Variants in CSRNP3 observed in about 807,000 individuals in gnomAD.
CSRNP3 encodes the protein cysteine and serine rich nuclear protein 3, also known as cysteine/serine-rich nuclear protein 3.
CSRNP3 carries 12 observed loss-of-function variants against 48.0 expected under a neutral mutation model. The ratio of observed to expected loss-of-function variants is 0.25; its 90% confidence interval spans 0.16 to 0.41. The LOEUF (loss-of-function observed/expected upper bound fraction) is 0.41, where lower values mean the gene tolerates loss of function less well. CSRNP3 is among the 10% of genes least tolerant of loss of function. The pLI, the probability that CSRNP3 is intolerant of heterozygous loss-of-function variation, is 1.00. For missense variants in CSRNP3, 580 were observed against 724.4 expected (o/e 0.80, Z 2.29); for synonymous variants, 263 against 269.7 (o/e 0.98, Z 0.24).
intron 1 of CSRNP3, among the ~76,000 whole-genome samples, chr2:165,480,386 C>G (rs1378581781): frequency 3.3e-5 from 5 of 152,066 alleles, no homozygotes; most frequent in African/African-American, 1.2e-4. Flanking sequence ...GTTCACATGT[C>G]TAGGGTTATA....
chr2:165,554,046 T>A (rs960788122), intron 3 of CSRNP3, among the ~76,000 whole-genome samples: 3 of 152,192 alleles, frequency 2.0e-5, no homozygotes. Context: ...CCTTTCGCGT[T>A]TCTAAGTCTA....
intron 2 of CSRNP3, among the ~76,000 whole-genome samples, chr2:165,505,638 T>C (rs1291068486): frequency 1.3e-5 from 2 of 152,194 alleles, no homozygotes; most frequent in African/African-American, 4.8e-5. Flanking sequence ...GGAATACAAC[T>C]GGCTTCTCTA....
At chr2:165,575,217 GTC>G (rs1383145248) in intron 3 of CSRNP3, among the ~76,000 whole-genome samples, 2 of 152,140 alleles carry the variant, frequency 1.3e-5, no homozygotes, top group Non-Finnish European at 2.9e-5. Context: ...TCATAGGAAA[GTC>G]TGTCCTGCAC....
At chr2:165,506,932 G>T (rs1375377910) in intron 2 of CSRNP3, among the ~76,000 whole-genome samples, 1 of 151,962 alleles carries the variant, frequency 6.6e-6, no homozygotes, top group Non-Finnish European at 1.5e-5. Context: ...GAAAAAATAG[G>T]AGGAAGAAAA....
At chr2:165,562,837 A>G (rs984310833) in intron 3 of CSRNP3, among the ~76,000 whole-genome samples, 1 of 152,148 alleles carries the variant, frequency 6.6e-6, no homozygotes, top group Admixed American at 6.6e-5. Flanking sequence ...AATTTATAGT[A>G]GAGTAATAAA....
chr2:165,494,549 A>G (rs540383810), intron 1 of CSRNP3, among the ~76,000 whole-genome samples: 1 of 152,224 alleles, frequency 6.6e-6, no homozygotes, highest in Non-Finnish European at 1.5e-5. Context: ...ACTTTTTCTT[A>G]TAAGACACTG....
chr2:165,636,152 T>C (rs1686624824), intron 4 of CSRNP3, among the ~76,000 whole-genome samples: 1 of 152,238 alleles, frequency 6.6e-6, no homozygotes, highest in Non-Finnish European at 1.5e-5. Context: ...ATCTCTTCCA[T>C]TGGCTCAAAT....
chr2:165,600,039 C>T (rs1395999548), intron 4 of CSRNP3, among the ~76,000 whole-genome samples: 2 of 147,814 alleles, frequency 1.4e-5, no homozygotes, highest in South Asian at 4.4e-4. Flanking sequence ...CCCATTAACT[C>T]GTCATTTAGC....
intron 4 of CSRNP3, among the ~76,000 whole-genome samples, chr2:165,623,046 G>A (rs1302094613): frequency 6.6e-6 from 1 of 152,020 alleles, no homozygotes; most frequent in Admixed American, 6.6e-5. Flanking sequence ...CCACAGATTC[G>A]ACCAGCCTTG....
rs1200771065 is a variant in CSRNP3 at position 165,517,856 on chromosome 2, G to A, written c.-112-17G>A. ...ATAACCTTACATAACATTCTGAAAC[G>A]TATTTTCTTTTTTAAGGAAAAAATG... On this transcript the variant is annotated splice_polypyrimidine_tract_variant and intron_variant, in intron 2 of 6. Transcript: ENST00000651982. The A allele has an allele frequency of 2.0e-5, 3 of 152,198 alleles. No individual in the cohort carries two copies. The highest frequency in any genetic ancestry group is 6.6e-5 in the Admixed American group (1 of 15,226). The allele number at this position is 152,198 out of a possible 1,614,324, so 9.4% of individuals were successfully genotyped here.
chr2:165,503,285 ATTTTCCTG>A (rs1177550863), intron 2 of CSRNP3, among the ~76,000 whole-genome samples: 1 of 151,808 alleles, frequency 6.6e-6, no homozygotes, highest in Non-Finnish European at 1.5e-5. Flanking sequence ...TTTAGAGATA[ATTTTCCTG>A]TTTTCCTAAA....
intron 4 of CSRNP3, among the ~76,000 whole-genome samples, chr2:165,607,251 G>A (rs1686047230): frequency 6.6e-6 from 1 of 151,972 alleles, no homozygotes; most frequent in African/African-American, 2.4e-5. Flanking sequence ...TTGTGTATCT[G>A]TCTTATTTTG....
In CSRNP3 at chr2:165,594,103, A is replaced by G. The variant is rs185458913; in HGVS notation, c.-23-940A>G. 2.6e-3 allele frequency among the ~76,000 whole-genome samples: 397 copies of G among 152,272 alleles called. 1 individual carries two copies. Among genetic ancestry groups the G allele is most frequent in the Middle Eastern group, 0.02 (6 of 294 alleles). On this transcript the variant is annotated intron_variant, in intron 3 of 6. Transcript: ENST00000651982. ...GGTACCTCATTATGTAGATACAAACATTTCAAAATCCAAAAAAAATTCAAA... is the reference window on the plus strand; with the variant it reads ...GGTACCTCATTATGTAGATACAAACGTTTCAAAATCCAAAAAAAATTCAAA...
chr2:165,598,584 G>C (rs1685849139), intron 4 of CSRNP3, among the ~76,000 whole-genome samples: 1 of 152,132 alleles, frequency 6.6e-6, no homozygotes, highest in Non-Finnish European at 1.5e-5. Flanking sequence ...GTATATATTA[G>C]TCAGCAAATA....
At chr2:165,584,355 A>G (rs1429053917) in intron 3 of CSRNP3, among the ~76,000 whole-genome samples, 1 of 152,102 alleles carries the variant, frequency 6.6e-6, no homozygotes, top group Non-Finnish European at 1.5e-5. Flanking sequence ...CCCCTCCGAC[A>G]CAACTTCTCT....
chr2:165,526,060 A>G (rs968883839), intron 3 of CSRNP3, among the ~76,000 whole-genome samples: 4 of 152,200 alleles, frequency 2.6e-5, no homozygotes, highest in Non-Finnish European at 5.9e-5. Flanking sequence ...TTGTGCAGGT[A>G]TATTTCTAGT....
At chr2:165,646,670 C>G (rs945852252) in intron 4 of CSRNP3, among the ~76,000 whole-genome samples, 1 of 152,060 alleles carries the variant, frequency 6.6e-6, no homozygotes, top group African/African-American at 2.4e-5. Flanking sequence ...TTGCATTGCC[C>G]TCTTGGTTGC....
At chr2:165,505,260 T>C (rs1684411196) in intron 2 of CSRNP3, among the ~76,000 whole-genome samples, 1 of 152,122 alleles carries the variant, frequency 6.6e-6, no homozygotes, top group African/African-American at 2.4e-5. Context: ...GGAAAACCCA[T>C]TTATTTCTGT....
intron 3 of CSRNP3, among the ~76,000 whole-genome samples, chr2:165,530,201 C>A (rs1684792872): frequency 6.6e-6 from 1 of 152,018 alleles, no homozygotes; most frequent in Non-Finnish European, 1.5e-5. Flanking sequence ...TACAAAAGTC[C>A]TTTCAAAATT....
Sources: gnomAD v4.1 joint callset for allele counts (sites outside exome capture counted in the v4.1 genomes callset) on GRCh38, gnomAD v4.1.1 for gene constraint, MANE v1.5 for transcripts, NCBI Gene and HGNC (gene_info 2026-07-23, HGNC 2026-07-21) for gene names.